The following NUP188 variants were observed in gnomAD, a reference collection of about 807,000 sequenced individuals.
The protein encoded by NUP188 is nucleoporin NUP188.
NUP188 carries 97 observed loss-of-function variants against 223.0 expected under a neutral mutation model. The observed-to-expected ratio is 0.43, with a 90% CI of 0.37 to 0.51. NUP188 has a LOEUF of 0.51. Ranked by LOEUF, NUP188 falls within the 20% of genes least tolerant of loss-of-function variation. NUP188 has a pLI of 0.00. For missense variants in NUP188, 1,947 were observed against 2,175.6 expected (o/e 0.89, Z 2.09); for synonymous variants, 869 against 828.0 (o/e 1.05, Z -0.85).
chr9:128,983,513 G>T lies in NUP188; in HGVS notation c.1924G>T (p.Val642Leu). 1 of 1,614,144 alleles carries T rather than the reference G, an allele frequency of 6.2e-7. No homozygotes were observed. Among genetic ancestry groups the T allele is most frequent in the Non-Finnish European group, 8.5e-7 (1 of 1,180,010 alleles). ...TCGTCACACAGGTTTTTTACCATTT[G>T]TGGCCCATCCTGTCTCCAGCCTGAG... ...DLRHTGFLPF[V>L]AHPVSSLSQM... is the part of the protein sequence containing the mutation. The change falls in exon 19 of 44, where the codon GTG becomes TTG. Residue 642 changes from valine to leucine, a missense_variant. By Grantham distance (32) the Val-to-Leu change is conservative. Around this residue, in one of 3 missense-constraint regions of NUP188, gnomAD observed 817 missense variants for 865.8 expected, o/e 0.94. Coordinates refer to ENST00000372577, the MANE Select transcript of NUP188 (RefSeq NM_015354.3).
At position 128,970,802 on chromosome 9, in the gene NUP188, T is replaced by C; in HGVS notation, c.957T>C (p.His319=). Residue 319 remains histidine (H), a synonymous_variant, in exon 11 of 44, where the codon CAT becomes CAC. Transcript: ENST00000372577. ...TGACCTTTGGGGACATTCCACATCA[T>C]GCCCCAGTGCTTTTGGCCTGGGCTC... ...LMLTFGDIPH[H]APVLLAWALL... The C allele has an allele frequency of 6.2e-7, 1 of 1,614,246 alleles. No individual in the cohort carries two copies. The highest frequency in any genetic ancestry group is 1.6e-4 in the Middle Eastern group (1 of 6,062).
chr9:128,974,231 C>G (rs1842139834), intron 12 of NUP188, among the ~76,000 whole-genome samples: 1 of 151,624 alleles, frequency 6.6e-6, no homozygotes, highest in African/African-American at 2.4e-5. Context: ...TTTTAAGAAA[C>G]CAGGTCTCAG....
chr9:128,988,048 G>A lies in NUP188; in HGVS notation c.2395G>A (p.Asp799Asn). Residue 799 changes from aspartate (D) to asparagine (N), a missense_variant and splice_region_variant, in exon 24 of 44, where the codon GAT (aspartate) becomes AAT (asparagine). Around this residue, in one of 3 missense-constraint regions of NUP188, gnomAD observed 225 missense variants for 319.1 expected, o/e 0.71. Coordinates refer to ENST00000372577, the MANE Select transcript of NUP188 (RefSeq NM_015354.3). ...TTTGGTTTCCATTTGGCACCCTAGTGATGGGGCAGAGGGCCAGGGGCAGGG... is the reference window on the plus strand; with the variant it reads ...TTTGGTTTCCATTTGGCACCCTAGTAATGGGGCAGAGGGCCAGGGGCAGGG... ...DMVMAAQPRS[D>N]GAEGQGQGQL... 6.2e-7 allele frequency: 1 copy of A among 1,614,134 alleles called. No homozygotes were observed.
chr9:128,976,180 G>A (rs1347080409), intron 12 of NUP188, among the ~76,000 whole-genome samples: 10 of 152,150 alleles, frequency 6.6e-5, no homozygotes, highest in Admixed American at 6.6e-4. Flanking sequence ...TAAGATTCTT[G>A]TGTAAGACCT....
intron 8 of NUP188, among the ~76,000 whole-genome samples, chr9:128,963,885 T>C (rs964045772): frequency 2.6e-5 from 4 of 151,072 alleles, no homozygotes; most frequent in African/African-American, 9.7e-5. Context: ...GGCACGATCT[T>C]GGCTCACTGC....
rs766402443 is a variant in NUP188, at chr9:128,986,867, G to T, written c.2256G>T (p.Leu752=). The T allele has an allele frequency of 4.3e-6, 7 of 1,613,964 alleles. No homozygotes were observed. Among genetic ancestry groups the T allele is most frequent in the Non-Finnish European group, 5.9e-6 (7 of 1,179,910 alleles). Residue 752 remains leucine, a synonymous_variant, in exon 22 of 44, where the codon CTG becomes CTT. Transcript: ENST00000372577. ...AILNLCHETD[L]HSSHTPSLQF... The stretch of plus-strand genomic sequence containing the variant: ...TGAACCTGTGCCACGAGACAGACCT[G>T]CACAGCAGGTAATGAAGGGTTGATT...
chr9:128,976,955 G>A (rs890620646), intron 12 of NUP188, among the ~76,000 whole-genome samples: 3 of 151,952 alleles, frequency 2.0e-5, no homozygotes, highest in African/African-American at 7.2e-5. Flanking sequence ...GCGCGCACGT[G>A]TAGTCCCAGC....
In NUP188 at chr9:128,998,572, T is replaced by G; in HGVS notation, c.3464T>G (p.Leu1155Arg). The change falls in exon 32 of 44, where the codon CTT (leucine) becomes CGT (arginine). Residue 1155 changes from leucine (L) to arginine (R), a missense_variant. By Grantham distance (102) the Leu-to-Arg change is moderately radical. Transcript: ENST00000372577. ...CCAGCCTCAGTGAACTGCCTTCGCC[T>G]TGGCTCCATGAAGTGCACTCTGCTG... ...LVPASVNCLR[L>R]GSMKCTLLLI... 1 of 1,614,186 alleles carries G rather than the reference T, an allele frequency of 6.2e-7. No homozygotes were observed. Among genetic ancestry groups the G allele is most frequent in the Non-Finnish European group, 8.5e-7 (1 of 1,180,020 alleles).
Position 128,993,558 on chromosome 9 carries a change from G to T in NUP188, c.2881G>T (p.Ala961Ser). The T allele has an allele frequency of 6.2e-7, 1 of 1,614,174 alleles. No homozygotes were observed. Among genetic ancestry groups the T allele is most frequent in the Non-Finnish European group, 8.5e-7 (1 of 1,180,026 alleles). The change falls in exon 27 of 44, where the codon GCA becomes TCA. Residue 961 changes from alanine to serine, a missense_variant. Around this residue, in one of 3 missense-constraint regions of NUP188, gnomAD observed 905 missense variants for 990.6 expected, o/e 0.91. Coordinates refer to ENST00000372577, the MANE Select transcript of NUP188 (RefSeq NM_015354.3). ...FSLGMWSCLH[A>S]VLELIDSQQQ... Reference sequence around the variant, plus strand: ...CCTTGGGATGTGGAGCTGTCTCCATGCAGTGCTGGAGCTGATTGATTCCCA... The same window carrying T: ...CCTTGGGATGTGGAGCTGTCTCCATTCAGTGCTGGAGCTGATTGATTCCCA...
chr9:128,999,718 T>C lies in NUP188; in HGVS notation c.3756T>C (p.Ser1252=). Reference sequence around the variant, plus strand: ...CACTCTTCGACCAGACCCGCCACAGTCTGGCATTAGGCAGTGCCACAGAGG... The same window carrying C: ...CACTCTTCGACCAGACCCGCCACAGCCTGGCATTAGGCAGTGCCACAGAGG... The part of the protein sequence containing the change: ...VIALFDQTRH[S]LALGSATEDK... The change falls in exon 34 of 44, where the codon AGT becomes AGC. Residue 1252 remains serine, a synonymous_variant. Transcript: ENST00000372577. 6.2e-7 allele frequency: 1 copy of C among 1,614,230 alleles called. No homozygotes were observed. Among genetic ancestry groups the C allele is most frequent in the African/African-American group, 1.3e-5 (1 of 75,064 alleles).
chr9:128,948,711 C>CTTTTTTTTTT (rs56052652), intron 1 of NUP188: 3 of 61,130 alleles, frequency 4.9e-5, no homozygotes, highest in Non-Finnish European at 6.4e-5. Flanking sequence ...GTTTTCCCCA[C>CTTTTTTTTTT]TTTTTTTTTT....
In NUP188 at chr9:129,001,562, CTG is replaced by C. The variant is rs750019043; in HGVS notation, c.3882_3883del (p.Cys1294Ter). On this transcript the variant is annotated frameshift_variant, in exon 35 of 44. Transcript: ENST00000372577. LOFTEE classifies it high-confidence loss of function. ...CVLGLHLAKE[L>X]CEVDEDGDSW... is the part of the protein sequence containing the mutation. ...CCTGGGCCTGCACCTGGCCAAGGAG[CTG>C]TGTGAGGTAGACGAGGATGGTGACT... is the stretch of plus-strand genomic sequence containing the variant. 2.5e-6 allele frequency: 4 copies of C among 1,613,888 alleles called. No homozygotes were observed. The African/African-American group carries it at 5.3e-5, about 22-fold the overall frequency.
chr9:128,997,333 C>A (rs1280678639), intron 30 of NUP188, among the ~76,000 whole-genome samples: 1 of 152,114 alleles, frequency 6.6e-6, no homozygotes, highest in Non-Finnish European at 1.5e-5. Context: ...GTCTTTGGAC[C>A]ATGTTGAAGA....
At chr9:128,981,079 T>C (rs1286867213) in intron 14 of NUP188, among the ~76,000 whole-genome samples, 185 bp from the exon 15 acceptor site, 1 of 152,138 alleles carries the variant, frequency 6.6e-6, no homozygotes, top group African/African-American at 2.4e-5. Context: ...TGTGGAGTGA[T>C]GGGGACTTGA....
chr9:128,994,910 T>C lies in NUP188; in HGVS notation c.3142T>C (p.Tyr1048His), dbSNP rs1224962473. 2 of 1,611,706 alleles carry C rather than the reference T, an allele frequency of 1.2e-6. No individual in the cohort carries two copies. Among genetic ancestry groups the C allele is most frequent in the African/African-American group, 1.3e-5 (1 of 74,902 alleles). Residue 1048 changes from tyrosine to histidine, a missense_variant, in exon 29 of 44, where the codon TAC (tyrosine) becomes CAC (histidine). Tyr to His is a moderately conservative substitution (Grantham distance 83). Coordinates refer to ENST00000372577, the MANE Select transcript of NUP188 (RefSeq NM_015354.3). Reference protein sequence around the residue: ...LIMKIICLEIYYVVKGSLDQS... With the variant: ...LIMKIICLEIHYVVKGSLDQS... ...CATGAAGATAATTTGCTTGGAGATA[T>C]ACTATGTAGTAAAGTGAGTACTTTC...
Position 128,985,019 on chromosome 9 carries a change from A to G in NUP188, c.2076+5A>G. 2.5e-6 allele frequency: 4 copies of G among 1,601,790 alleles called. No homozygotes were observed. The highest frequency in any genetic ancestry group is 2.6e-6 in the Non-Finnish European group (3 of 1,170,196). ...TTGATCACCACCCTTGTCAAGGTAC[A>G]GTCTGATTTTGTTCACAAAGGGCAG... On this transcript the variant is annotated splice_donor_5th_base_variant and intron_variant, in intron 20 of 43. Transcript: ENST00000372577.
intron 24 of NUP188, among the ~76,000 whole-genome samples, chr9:128,989,044 C>T (rs1012155100): frequency 4.6e-5 from 7 of 151,868 alleles, no homozygotes; most frequent in African/African-American, 1.5e-4. Context: ...CATGAGCCAC[C>T]GTGCTCTAAT....
chr9:128,971,144 C>G (rs1382474324), intron 11 of NUP188, among the ~76,000 whole-genome samples, 186 bp downstream of exon 11: 2 of 152,158 alleles, frequency 1.3e-5, no homozygotes, highest in Non-Finnish European at 2.9e-5. Context: ...CCTTGTAACA[C>G]TTCTTCGTGT....
intron 5 of NUP188, among the ~76,000 whole-genome samples, chr9:128,957,777 A>G (rs1295893669): frequency 6.6e-6 from 1 of 152,070 alleles, no homozygotes; most frequent in African/African-American, 2.4e-5. Context: ...ATTTGGTAGA[A>G]TTTCTAGCCT....
Sources: gnomAD v4.1 joint callset for allele counts (sites outside exome capture counted in the v4.1 genomes callset) on GRCh38, gnomAD v4.1.1 for gene constraint, gnomAD v4.1.1 regional missense constraint, MANE v1.5 for transcripts, NCBI Gene and HGNC (gene_info 2026-07-23, HGNC 2026-07-21) for gene names.